The following ADAMTS3 variants were observed in gnomAD, a reference collection of about 807,000 sequenced individuals.
ADAMTS3 encodes the protein A disintegrin and metalloproteinase with thrombospondin motifs 3.
A neutral mutation model predicts 129.0 loss-of-function variants in ADAMTS3; 73 were observed. The ratio of observed to expected loss-of-function variants is 0.57; its 90% CI spans 0.47 to 0.69. The LOEUF (loss-of-function observed/expected upper bound fraction) is 0.69, where lower values mean the gene tolerates loss of function less well. Among genes scored for constraint, ADAMTS3 ranks in the 30% least tolerant of loss-of-function variants. ADAMTS3 has a pLI of 0.00. For synonymous variants in ADAMTS3, 477 were observed against 510.8 expected, an observed-to-expected ratio of 0.93 and a Z score of 0.89; for missense variants, 1,457 against 1,514.5, an observed-to-expected ratio of 0.96 and a Z score of 0.63.
intron 15 of ADAMTS3, 92 bp from the exon 16 acceptor site, chr4:72,306,159 C>T (rs529116994): frequency 3.2e-5 from 27 of 842,272 alleles, no homozygotes; most frequent in Admixed American, 1.2e-4. Context: ...ACTGCTTCTG[C>T]GTGCAGAAGA....
At chr4:72,490,607 CT>C (rs1364739011) in intron 3 of ADAMTS3, among the ~76,000 whole-genome samples, 1 of 151,842 alleles carries the variant, frequency 6.6e-6, no homozygotes, top group Non-Finnish European at 1.5e-5. Context: ...TGGACATTGT[CT>C]TTTCCACATT....
At chr4:72,514,857 T>C (rs1212103584) in intron 3 of ADAMTS3, among the ~76,000 whole-genome samples, 4 of 152,182 alleles carry the variant, frequency 2.6e-5, no homozygotes, top group Admixed American at 1.3e-4. Context: ...TATTATACTT[T>C]AAGTTTTAGG....
chr4:72,396,693 G>C (rs570568833), intron 4 of ADAMTS3, among the ~76,000 whole-genome samples: 1 of 152,102 alleles, frequency 6.6e-6, no homozygotes, highest in Non-Finnish European at 1.5e-5. Flanking sequence ...AGCACATTAT[G>C]TTGGGGTATT....
At chr4:72,345,245 T>C (rs77421394) in intron 4 of ADAMTS3, among the ~76,000 whole-genome samples, 1,798 of 152,264 alleles carry the variant, frequency 0.012, 25 homozygotes, top group African/African-American at 0.041. Context: ...ATGAAGTAAC[T>C]GGAATACTAC....
At chr4:72,431,828 T>C (rs1485582406) in intron 3 of ADAMTS3, among the ~76,000 whole-genome samples, 2 of 151,914 alleles carry the variant, frequency 1.3e-5, no homozygotes, top group Non-Finnish European at 2.9e-5. Flanking sequence ...GATTTATATA[T>C]ACTTAAAATA....
intron 4 of ADAMTS3, among the ~76,000 whole-genome samples, chr4:72,345,676 G>A (rs753163386): frequency 8.5e-5 from 13 of 152,078 alleles, no homozygotes; most frequent in East Asian, 1.9e-4. Context: ...GTCAGTTTCC[G>A]TTATTTCTTT....
At chr4:72,405,769 C>G (rs1722034813) in intron 4 of ADAMTS3, among the ~76,000 whole-genome samples, 1 of 152,100 alleles carries the variant, frequency 6.6e-6, no homozygotes, top group Non-Finnish European at 1.5e-5. Context: ...TCCCAGTTCC[C>G]TTCAAGGCCA....
intron 3 of ADAMTS3, among the ~76,000 whole-genome samples, chr4:72,452,320 T>C: frequency 6.6e-6 from 1 of 151,004 alleles, no homozygotes; most frequent in East Asian, 2.0e-4. Flanking sequence ...TAATATAAAA[T>C]ATAATAAGTA....
chr4:72,563,925 G>A (rs1721963874), intron 2 of ADAMTS3, among the ~76,000 whole-genome samples: 1 of 152,146 alleles, frequency 6.6e-6, no homozygotes, highest in Non-Finnish European at 1.5e-5. Context: ...TTAATCTAGT[G>A]ACAATGTTTA....
At chr4:72,396,160 C>T (rs1281201410) in intron 4 of ADAMTS3, among the ~76,000 whole-genome samples, 2 of 152,018 alleles carry the variant, frequency 1.3e-5, no homozygotes, top group Admixed American at 6.6e-5. Context: ...AGGAGTAGTC[C>T]AGAAACTGGT....
chr4:72,483,225 G>A lies in ADAMTS3; in HGVS notation c.504+65253C>T, dbSNP rs558732279. Among the ~76,000 whole-genome samples, 7 of 152,148 alleles carry A rather than the reference G, an allele frequency of 4.6e-5. No individual in the cohort carries two copies. In the East Asian group the frequency reaches 1.4e-3, roughly 29 times the overall value. On this transcript the variant is annotated intron_variant, in intron 3 of 21. Coordinates refer to ENST00000286657, the MANE Select transcript of ADAMTS3 (RefSeq NM_014243.3). ...TAAAACTCTCTTTCCCAGAAAATAT[G>A]ACAGTTTATGTAGAAAATTATGAGA...
chr4:72,466,374 A>G (rs1203512593), intron 3 of ADAMTS3, among the ~76,000 whole-genome samples: 1 of 152,094 alleles, frequency 6.6e-6, no homozygotes, highest in Non-Finnish European at 1.5e-5. Flanking sequence ...AGACCACTGG[A>G]TAGTTCTGAG....
At chr4:72,292,741 T>A (rs1718707715) in intron 19 of ADAMTS3, among the ~76,000 whole-genome samples, 1 of 152,174 alleles carries the variant, frequency 6.6e-6, no homozygotes, top group African/African-American at 2.4e-5. Context: ...TTACTTTCCC[T>A]CTGCAATTTA....
chr4:72,311,959 G>A (rs1001676735), intron 13 of ADAMTS3, among the ~76,000 whole-genome samples: 2 of 152,048 alleles, frequency 1.3e-5, no homozygotes, highest in African/African-American at 2.4e-5. Context: ...AGTTCAGAAA[G>A]GAAAGATCAC....
intron 3 of ADAMTS3, among the ~76,000 whole-genome samples, chr4:72,439,460 C>A (rs750122830): frequency 6.6e-6 from 1 of 151,500 alleles, no homozygotes; most frequent in Non-Finnish European, 1.5e-5. Flanking sequence ...AAATAATAGT[C>A]ATCAGTTTCC....
chr4:72,545,446 G>A (rs1721440990), intron 3 of ADAMTS3, among the ~76,000 whole-genome samples: 2 of 152,144 alleles, frequency 1.3e-5, no homozygotes, highest in Admixed American at 1.3e-4. Context: ...GAGCAATGAA[G>A]TCAACAGTAG....
At chr4:72,474,748 C>T (rs960758977) in intron 3 of ADAMTS3, among the ~76,000 whole-genome samples, 5 of 152,060 alleles carry the variant, frequency 3.3e-5, no homozygotes, top group South Asian at 2.1e-4. Context: ...AATTCTAGGC[C>T]GGGCGCTGTG....
At chr4:72,344,700 C>T (rs984272832) in intron 4 of ADAMTS3, among the ~76,000 whole-genome samples, 1 of 152,070 alleles carries the variant, frequency 6.6e-6, no homozygotes, top group Non-Finnish European at 1.5e-5. Flanking sequence ...TGGCCCTCCA[C>T]TCAATCACCC....
chr4:72,306,108 A>G, intron 15 of ADAMTS3, 41 bp from the exon 16 acceptor site: 1 of 1,467,890 alleles, frequency 6.8e-7, no homozygotes, highest in Non-Finnish European at 9.3e-7. Context: ...CAAAGAAGAA[A>G]ACAAAAGCAA....
Sources: gnomAD v4.1 joint callset for allele counts (sites outside exome capture counted in the v4.1 genomes callset) on GRCh38, gnomAD v4.1.1 for gene constraint, MANE v1.5 for transcripts, NCBI Gene and HGNC (gene_info 2026-07-23, HGNC 2026-07-21) for gene names.